SNCAIP: variants seen among roughly 807,000 people sequenced by gnomAD.
SNCAIP encodes synuclein alpha interacting protein.
A neutral mutation model predicts 86.7 loss-of-function variants in SNCAIP; 43 were observed. The ratio of observed to expected loss-of-function variants is 0.50; its 90% CI spans 0.39 to 0.64. The LOEUF is 0.64. SNCAIP is among the 30% of genes least tolerant of loss of function. The pLI, the probability that SNCAIP is intolerant of heterozygous loss-of-function variation, is 0.00. For missense variants in SNCAIP, 981 were observed against 1,103.1 expected (o/e 0.89, Z 1.57); for synonymous variants, 417 against 427.2 (o/e 0.98, Z 0.29).
intron 10 of SNCAIP, among the ~76,000 whole-genome samples, chr5:122,457,502 G>T (rs1785044811): frequency 6.6e-6 from 1 of 152,104 alleles, no homozygotes; most frequent in African/African-American, 2.4e-5. Context: ...CAGGTACTCT[G>T]TGCTCTCCCA....
chr5:122,387,742 T>A (rs1398539987), intron 1 of SNCAIP, among the ~76,000 whole-genome samples: 1 of 152,202 alleles, frequency 6.6e-6, no homozygotes, highest in African/African-American at 2.4e-5. Flanking sequence ...GAAGGAAACA[T>A]AATCCCCACT....
At chr5:122,350,461 T>A (rs141546946) in intron 1 of SNCAIP, among the ~76,000 whole-genome samples, 80 of 152,004 alleles carry the variant, frequency 5.3e-4, no homozygotes, top group African/African-American at 1.5e-3. Flanking sequence ...ATTTGTGCAT[T>A]CTTTTTGTAC....
chr5:122,457,799 G>C (rs1433048367), intron 10 of SNCAIP, among the ~76,000 whole-genome samples: 1 of 152,198 alleles, frequency 6.6e-6, no homozygotes, highest in African/African-American at 2.4e-5. Flanking sequence ...CATGAATTAA[G>C]CGACAGTTCC....
At chr5:122,426,470 C>T (rs965524699) in intron 5 of SNCAIP, among the ~76,000 whole-genome samples, 5 of 152,092 alleles carry the variant, frequency 3.3e-5, no homozygotes, top group African/African-American at 9.7e-5. Flanking sequence ...ATATTTTTTA[C>T]GCAAACCTGA....
chr5:122,334,755 G>A (rs1561530279), intron 1 of SNCAIP, among the ~76,000 whole-genome samples: 2 of 152,094 alleles, frequency 1.3e-5, no homozygotes, highest in African/African-American at 2.4e-5. Flanking sequence ...CTAATTTTTT[G>A]CAACTTTGCA....
Position 122,450,946 on chromosome 5 carries a change from G to A in SNCAIP, c.2099G>A (p.Arg700Lys). Residue 700 changes from arginine (R) to lysine (K), a missense_variant, in exon 10 of 11, where the codon AGG becomes AAG. By Grantham distance (26) the Arg-to-Lys change is conservative (BLOSUM62 2). Coordinates refer to ENST00000261368, the MANE Select transcript of SNCAIP (RefSeq NM_005460.4). ...TTPVRKADRP[R>K]PQPIVESVES... ...CCAGTGAGGAAGGCTGACCGACCAA[G>A]GCCGCAGCCCATTGTAGAAAGCGTA... 1.2e-6 allele frequency: 2 copies of A among 1,614,150 alleles called. No individual in the cohort carries two copies. The highest frequency in any genetic ancestry group is 1.7e-6 in the Non-Finnish European group (2 of 1,180,020).
chr5:122,413,870 AC>A (rs1774678416), intron 3 of SNCAIP, among the ~76,000 whole-genome samples: 1 of 152,018 alleles, frequency 6.6e-6, no homozygotes, highest in South Asian at 2.1e-4. Flanking sequence ...GAGGAAGAAA[AC>A]CCTTCCACTC....
chr5:122,419,220 G>C (rs553666856), intron 3 of SNCAIP, among the ~76,000 whole-genome samples: 1 of 151,932 alleles, frequency 6.6e-6, no homozygotes, highest in Non-Finnish European at 1.5e-5. Context: ...AGGGGAGGGA[G>C]TGGGCAAAGG....
At chr5:122,319,373 G>A (rs981088147) in intron 1 of SNCAIP, among the ~76,000 whole-genome samples, 1 of 152,162 alleles carries the variant, frequency 6.6e-6, no homozygotes, top group South Asian at 2.1e-4. Flanking sequence ...AGCGTCTTAT[G>A]GAAGGAAGTT....
At chr5:122,367,444 A>G (rs1195906976) in intron 1 of SNCAIP, among the ~76,000 whole-genome samples, 1 of 152,200 alleles carries the variant, frequency 6.6e-6, no homozygotes, top group Non-Finnish European at 1.5e-5. Flanking sequence ...AAGACGAGAG[A>G]AAAGACGGGA....
chr5:122,424,836 C>T (rs373587586), intron 4 of SNCAIP, among the ~76,000 whole-genome samples: 66 of 152,206 alleles, frequency 4.3e-4, no homozygotes, highest in African/African-American at 1.6e-3. Flanking sequence ...CTCCAGATAC[C>T]CCCAGGAGTT....
At chr5:122,326,875 T>C (rs1457986355) in intron 1 of SNCAIP, among the ~76,000 whole-genome samples, 1 of 151,984 alleles carries the variant, frequency 6.6e-6, no homozygotes, top group Non-Finnish European at 1.5e-5. Context: ...AAGTCCTGCC[T>C]TCTGTCTTTA....
chr5:122,355,621 A>C (rs1760840929), intron 1 of SNCAIP, among the ~76,000 whole-genome samples: 3 of 152,168 alleles, frequency 2.0e-5, no homozygotes. Context: ...ATGTTTCTTT[A>C]ACACCAGAAA....
chr5:122,355,245 A>G (rs1760758926), intron 1 of SNCAIP, among the ~76,000 whole-genome samples: 1 of 152,210 alleles, frequency 6.6e-6, no homozygotes, highest in Non-Finnish European at 1.5e-5. Context: ...GATCTCTTGA[A>G]GTTTGCATAT....
intron 1 of SNCAIP, chr5:122,312,523 T>C (rs1038048354): frequency 6.6e-6 from 1 of 152,254 alleles, no homozygotes; most frequent in Non-Finnish European, 1.5e-5. Flanking sequence ...GCGGCTGCTT[T>C]ACTGGGGAAA....
intron 1 of SNCAIP, among the ~76,000 whole-genome samples, chr5:122,345,829 T>G (rs1333437234): frequency 6.6e-6 from 1 of 152,086 alleles, no homozygotes; most frequent in African/African-American, 2.4e-5. Context: ...CCTGACATTT[T>G]TTTTTAAGAG....
intron 1 of SNCAIP, among the ~76,000 whole-genome samples, chr5:122,341,003 G>C (rs1461419087): frequency 2.6e-5 from 4 of 152,178 alleles, no homozygotes; most frequent in African/African-American, 9.6e-5. Context: ...TGGACTAAGA[G>C]GGAAGGAAAA....
chr5:122,437,225 C>G (rs1335624738), intron 6 of SNCAIP: 1 of 152,166 alleles, frequency 6.6e-6, no homozygotes, highest in African/African-American at 2.4e-5. Flanking sequence ...CAAGTGCCCT[C>G]TTGGCTGAAG....
At position 122,343,174 on chromosome 5, in the gene SNCAIP, G is replaced by C. The variant is rs78128795; in HGVS notation, c.-47+30890G>C. On this transcript the variant is annotated intron_variant, in intron 1 of 10. Coordinates refer to ENST00000261368, the MANE Select transcript of SNCAIP (RefSeq NM_005460.4). ...ATGCTGAAACCAACTTAGGAATTTA[G>C]TTCTCAAGCTAAATCAACTACCTCT... 2.6e-4 allele frequency among the ~76,000 whole-genome samples: 39 copies of C among 152,294 alleles called. No homozygotes were observed. In the East Asian group the frequency reaches 7.0e-3, roughly 27 times the overall value.
Sources: allele counts gnomAD v4.1 joint callset (sites outside exome capture counted in the v4.1 genomes callset), GRCh38; gene constraint gnomAD v4.1.1; transcripts MANE v1.5; gene names NCBI Gene and HGNC (gene_info 2026-07-23, HGNC 2026-07-21).